The following NAALADL2 variants were observed in gnomAD, a reference collection of about 807,000 sequenced individuals.
The protein encoded by NAALADL2 is N-acetylated alpha-linked acidic dipeptidase like 2, also known as inactive N-acetylated-alpha-linked acidic dipeptidase-like protein 2.
A neutral mutation model predicts 87.2 loss-of-function variants in NAALADL2; 76 were observed. The observed-to-expected ratio is 0.87, with a 90% CI of 0.72 to 1.05. The LOEUF (loss-of-function observed/expected upper bound fraction) is 1.05, where lower values mean the gene tolerates loss of function less well. Among genes scored for constraint, NAALADL2 ranks in the 50% least tolerant of loss-of-function variants. The pLI is 0.00. For missense variants in NAALADL2, 1,089 were observed against 945.8 expected (o/e 1.15, Z -1.99); for synonymous variants, 354 against 331.0 (o/e 1.07, Z -0.75).
chr3:175,587,043 A>G (rs1448386836), intron 10 of NAALADL2, among the ~76,000 whole-genome samples: 2 of 152,188 alleles, frequency 1.3e-5, no homozygotes, highest in African/African-American at 4.8e-5. Flanking sequence ...TGGTGAAAGG[A>G]TGGTCCCAAG....
chr3:175,044,968 C>T (rs1443671021), intron 1 of NAALADL2, among the ~76,000 whole-genome samples: 1 of 151,060 alleles, frequency 6.6e-6, no homozygotes. Context: ...TTTGATTATC[C>T]CTTTACACAT....
In NAALADL2 at chr3:175,465,473, C is replaced by CTTTTTTTTTTTTTTTTTTT. The variant is rs71164634; in HGVS notation, c.1328-1505_1328-1487dup. On this transcript the variant is annotated intron_variant, in intron 7 of 13. Transcript: ENST00000454872. ...ACACTATGTATACCATGAATTAAAT[C>CTTTTTTTTTTTTTTTTTTT]TTTTTTTTTTTTTTTTTTTGAGATG... 5.3e-4 allele frequency among the ~76,000 whole-genome samples: 57 copies of CTTTTTTTTTTTTTTTTTTT among 106,738 alleles called. 3 individuals carry two copies. The highest frequency in any genetic ancestry group is 1.9e-3 in the African/African-American group (49 of 26,446). The allele number at this position is 106,738 out of a possible 152,430, so 70.0% of individuals were successfully genotyped here.
intron 1 of NAALADL2, among the ~76,000 whole-genome samples, chr3:174,945,588 A>G (rs769586580): frequency 6.6e-5 from 10 of 152,180 alleles, no homozygotes; most frequent in African/African-American, 2.4e-4. Context: ...CGTTTTGAGC[A>G]CTTGTATCCC....
At chr3:175,249,799 C>T (rs1466265726) in intron 3 of NAALADL2, among the ~76,000 whole-genome samples, 1 of 152,028 alleles carries the variant, frequency 6.6e-6, no homozygotes, top group Non-Finnish European at 1.5e-5. Context: ...TCTAGTGTGA[C>T]TATATTTGAG....
At chr3:175,376,846 T>C (rs1366078824) in intron 5 of NAALADL2, among the ~76,000 whole-genome samples, 1 of 152,198 alleles carries the variant, frequency 6.6e-6, no homozygotes. Context: ...GTTGTTTCTG[T>C]TACTATGACT....
At chr3:175,134,275 T>C (rs1728734067) in intron 2 of NAALADL2, among the ~76,000 whole-genome samples, 1 of 152,372 alleles carries the variant, frequency 6.6e-6, no homozygotes, top group South Asian at 2.1e-4. Flanking sequence ...TCAAGGTAAC[T>C]TGTAGTCAAA....
rs151317179 is a variant in NAALADL2, at chr3:174,822,042, C to T, written c.-9+84296C>T. ...ATGATGTATATATTTAAATTATCTG[C>T]GATATTCATGTTCCTGAAGCATAGG... On this transcript the variant is annotated intron_variant, in intron 3 of 3. Coordinates refer to the NAALADL2 transcript ENST00000434257. 1.1e-3 allele frequency among the ~76,000 whole-genome samples: 162 copies of T among 152,126 alleles called. 1 individual carries two copies. The Middle Eastern group carries it at 0.014, about 13-fold the overall frequency.
chr3:175,351,676 G>A (rs1419214294), intron 5 of NAALADL2, among the ~76,000 whole-genome samples: 2 of 152,064 alleles, frequency 1.3e-5, no homozygotes, highest in Non-Finnish European at 2.9e-5. Context: ...CAATCAGTAG[G>A]TCACAACCAG....
At chr3:174,685,481 T>G (rs111328281) in intron 2 of NAALADL2, among the ~76,000 whole-genome samples, 11 of 152,250 alleles carry the variant, frequency 7.2e-5, no homozygotes, top group African/African-American at 2.4e-4. Flanking sequence ...TATGCCCTTT[T>G]TCTGTTTATT....
chr3:175,465,337 C>T lies in NAALADL2; in HGVS notation c.1328-1642C>T, dbSNP rs868435261. Among the ~76,000 whole-genome samples, 17 of 150,898 alleles carry T rather than the reference C, an allele frequency of 1.1e-4. No homozygotes were observed. The Middle Eastern group carries it at 0.01, about 93-fold the overall frequency. ...AAACAATAATCAATTAGCATTGTTTCTTAGATATGGTTTATTTAGAATGCA... is the reference window on the plus strand; with the variant it reads ...AAACAATAATCAATTAGCATTGTTTTTTAGATATGGTTTATTTAGAATGCA... On this transcript the variant is annotated intron_variant, in intron 7 of 13. Coordinates refer to ENST00000454872, the MANE Select transcript of NAALADL2 (RefSeq NM_207015.3).
intron 5 of NAALADL2, among the ~76,000 whole-genome samples, chr3:175,412,272 C>T (rs142165765): frequency 2.7e-4 from 41 of 152,144 alleles, no homozygotes; most frequent in African/African-American, 9.4e-4. Context: ...CACGTGCACG[C>T]GTATAGTTTG....
intron 3 of NAALADL2, among the ~76,000 whole-genome samples, chr3:174,744,396 C>A (rs756779625): frequency 6.6e-6 from 1 of 151,946 alleles, no homozygotes; most frequent in Non-Finnish European, 1.5e-5. Context: ...ACAAGAAGAA[C>A]TAACAATCCT....
intron 1 of NAALADL2, among the ~76,000 whole-genome samples, chr3:175,033,779 C>T (rs186112187): frequency 1.1e-4 from 16 of 152,252 alleles, no homozygotes; most frequent in African/African-American, 3.6e-4. Context: ...TCACTCCTTA[C>T]GTGGTTTAAT....
At chr3:174,880,858 C>A (rs1048924305) in intron 1 of NAALADL2, among the ~76,000 whole-genome samples, 1 of 152,070 alleles carries the variant, frequency 6.6e-6, no homozygotes, top group Non-Finnish European at 1.5e-5. Context: ...TGGGTTAGAT[C>A]CATATTGAGG....
At chr3:175,186,479 C>G (rs964889398) in intron 2 of NAALADL2, among the ~76,000 whole-genome samples, 10 of 152,078 alleles carry the variant, frequency 6.6e-5, no homozygotes, top group Non-Finnish European at 1.0e-4. Flanking sequence ...CAAATGCCCT[C>G]TTTTGTTTAA....
chr3:175,756,992 T>C (rs1352634478), intron 13 of NAALADL2, among the ~76,000 whole-genome samples: 2 of 151,222 alleles, frequency 1.3e-5, no homozygotes, highest in African/African-American at 4.8e-5. Context: ...TTTGTGTATA[T>C]ATATTTTTTA....
chr3:174,977,245 A>G (rs1374628981), intron 1 of NAALADL2, among the ~76,000 whole-genome samples: 1 of 152,140 alleles, frequency 6.6e-6, no homozygotes, highest in Non-Finnish European at 1.5e-5. Flanking sequence ...CAGGCATTAG[A>G]AAAATAGAGA....
intron 4 of NAALADL2, among the ~76,000 whole-genome samples, chr3:175,289,847 A>T (rs979801876): frequency 1.3e-5 from 2 of 152,110 alleles, no homozygotes; most frequent in Non-Finnish European, 2.9e-5. Context: ...CTGGGAGAAA[A>T]TATTCTCAAT....
intron 2 of NAALADL2, among the ~76,000 whole-genome samples, chr3:174,593,881 C>G (rs997161773): frequency 6.6e-6 from 1 of 152,140 alleles, no homozygotes; most frequent in Non-Finnish European, 1.5e-5. Context: ...GTAATTGAGA[C>G]TAACACTGAT....
Sources: gnomAD v4.1 joint callset for allele counts (sites outside exome capture counted in the v4.1 genomes callset) on GRCh38, gnomAD v4.1.1 for gene constraint, MANE v1.5 for transcripts, NCBI Gene and HGNC (gene_info 2026-07-23, HGNC 2026-07-21) for gene names.